DNAJC19: variants seen among roughly 807,000 people sequenced by gnomAD.
DNAJC19 encodes the protein DnaJ heat shock protein family (Hsp40) member C19.
Under a neutral mutation model 19.8 loss-of-function variants are expected in DNAJC19, and 15 were observed. That is an observed-to-expected ratio of 0.76 (90% confidence interval 0.51 to 1.17). The LOEUF is 1.17. Ranked by LOEUF, DNAJC19 falls within the 50% of genes most tolerant of loss-of-function variation. The pLI, the probability that DNAJC19 is intolerant of heterozygous loss-of-function variation, is 0.00. For missense variants in DNAJC19, 105 were observed against 140.9 expected (o/e 0.75, Z 1.29); for synonymous variants, 38 against 42.1 (o/e 0.90, Z 0.38).
chr3:180,989,294 C>T (rs1302654711), intron 1 of DNAJC19: 1 of 1,373,390 alleles, frequency 7.3e-7, no homozygotes, highest in East Asian at 2.8e-5. Context: ...TAATCAAATA[C>T]GTTTCCACTA....
intron 4 of DNAJC19, 51 bp from the exon 5 acceptor site, chr3:180,986,047 C>T (rs770733880): frequency 1.4e-6 from 2 of 1,453,132 alleles, no homozygotes; most frequent in East Asian, 4.5e-5. Flanking sequence ...TGCATCACAT[C>T]AAAAAACTGT....
upstream of DNAJC19, chr3:180,989,822 G>A (rs1715138774): frequency 1.3e-6 from 1 of 767,100 alleles, no homozygotes; most frequent in Non-Finnish European, 2.2e-6. Context: ...AGTGGACAGA[G>A]CGGAGAAAGC....
chr3:180,987,611 G>A (rs1186020815), intron 3 of DNAJC19: 2 of 301,966 alleles, frequency 6.6e-6, no homozygotes, highest in Non-Finnish European at 1.3e-5. Flanking sequence ...AAACCCTATA[G>A]CCTAATTAAC....
Position 180,988,016 on chromosome 3 carries a change from G to T in DNAJC19, c.129+7C>A. On this transcript the variant is annotated splice_region_variant and intron_variant, in intron 3 of 5. Coordinates refer to ENST00000382564, the MANE Select transcript of DNAJC19 (RefSeq NM_145261.4). ...ATAGAAGCAGCAAAGAATTAACAAA[G>T]TCTTACAGATTTTGGTAGGCTTTGA... 6.2e-7 allele frequency: 1 copy of T among 1,613,994 alleles called. No individual in the cohort carries two copies. The highest frequency in any genetic ancestry group is 8.5e-7 in the Non-Finnish European group (1 of 1,179,864).
At chr3:180,987,441 C>A (rs1481875498) in intron 3 of DNAJC19, 2 of 252,940 alleles carry the variant, frequency 7.9e-6, no homozygotes, top group African/African-American at 2.3e-5. Context: ...ACAGAAAATA[C>A]CACTATTAGG....
rs1204155710 is a variant in DNAJC19 at position 180,984,192 on chromosome 3, C to A, written c.*448G>T. 1 of 454,048 alleles carries A rather than the reference C, an allele frequency of 2.2e-6. No individual in the cohort carries two copies. Among genetic ancestry groups the A allele is most frequent in the Non-Finnish European group, 4.4e-6 (1 of 226,780 alleles). The allele number at this position is 454,048 out of a possible 1,614,324, so 28.1% of individuals were successfully genotyped here. On this transcript the variant is annotated 3_prime_UTR_variant, in exon 6 of 6. Transcript: ENST00000382564. ...GGTTCCAAGTATCCAAGTTGCCAGG[C>A]CAGTTGCCTGTACCTGGAACAGCCT...
intron 4 of DNAJC19, among the ~76,000 whole-genome samples, chr3:180,986,384 C>T (rs575567545): frequency 2.6e-5 from 4 of 151,440 alleles, no homozygotes; most frequent in East Asian, 3.9e-4. Context: ...CGGGTTCAAG[C>T]GATTCTCCTG....
At chr3:180,985,905 G>A (rs369110702) in intron 5 of DNAJC19, 21 bp downstream of exon 5, 38 of 1,603,444 alleles carry the variant, frequency 2.4e-5, no homozygotes, top group Middle Eastern at 1.6e-4. Context: ...CAACATCAAC[G>A]AGAATTTAAT....
chr3:180,984,560 GCT>G lies in DNAJC19; in HGVS notation c.*78_*79del, dbSNP rs1714794025. On this transcript the variant is annotated 3_prime_UTR_variant, in exon 6 of 6. Transcript: ENST00000382564. ...TGCTAAATCATTTTTTAAAATTGTA[GCT>G]CTGAGGCATTTTATTATAAAAACTT... 1 of 943,580 alleles carries G rather than the reference GCT, an allele frequency of 1.1e-6. No individual in the cohort carries two copies. Among genetic ancestry groups the G allele is most frequent in the Non-Finnish European group, 1.6e-6 (1 of 606,670 alleles). 58.5% of individuals were successfully genotyped at this position (943,580 alleles called of 1,614,324 possible). A position where few individuals can be genotyped will look rare whatever the true frequency, so the allele number is the denominator to read the frequency against.
intron 3 of DNAJC19, 109 bp from the exon 4 acceptor site, chr3:180,987,131 A>C: frequency 1.1e-6 from 1 of 952,008 alleles, no homozygotes; most frequent in Non-Finnish European, 1.7e-6. Flanking sequence ...ATTTCAGAGG[A>C]CTTTTAGTGC....
intron 5 of DNAJC19, 118 bp from the exon 6 acceptor site, chr3:180,984,828 G>T: frequency 1.4e-6 from 1 of 708,364 alleles, no homozygotes; most frequent in Non-Finnish European, 2.3e-6. Flanking sequence ...AGCAGAAACA[G>T]TGTTTTAATT....
rs1257485362 is a variant in DNAJC19, at chr3:180,984,215, C to G, written c.*425G>C. On this transcript the variant is annotated 3_prime_UTR_variant, in exon 6 of 6. Transcript: ENST00000382564. ...GGCCAGTTGCCTGTACCTGGAACAG[C>G]CTTTCCACCGAATAAGAAGAGTCCC... The G allele has an allele frequency of 2.2e-6, 1 of 454,044 alleles. No individual in the cohort carries two copies. The highest frequency in any genetic ancestry group is 4.4e-6 in the Non-Finnish European group (1 of 226,788). The allele number at this position is 454,044 out of a possible 1,614,324, so 28.1% of individuals were successfully genotyped here.
chr3:180,987,338 C>A, intron 3 of DNAJC19: 1 of 343,230 alleles, frequency 2.9e-6, no homozygotes. Context: ...TAGCCATATT[C>A]TAGATAAAAA....
chr3:180,989,788 G>A (rs1321351465), upstream of DNAJC19: 2 of 975,946 alleles, frequency 2.0e-6, no homozygotes, highest in South Asian at 2.8e-5. Flanking sequence ...AGGGGACGCG[G>A]AGGAGAAGGA....
In DNAJC19 at chr3:180,989,364, G is replaced by A. The variant is rs1283776462; in HGVS notation, c.3+236C>T. ...GAGTTCCAGGCAAGCAACACCTGCA[G>A]AGCCCGTGCGGACAAGAAGCTGGAG... On this transcript the variant is annotated intron_variant, in intron 1 of 5. Coordinates refer to ENST00000382564, the MANE Select transcript of DNAJC19 (RefSeq NM_145261.4). 18 of 1,426,382 alleles carry A rather than the reference G, an allele frequency of 1.3e-5. 1 individual carries two copies. In the South Asian group the frequency reaches 1.5e-4, roughly 12 times the overall value. The allele number at this position is 1,426,382 out of a possible 1,614,324, so 88.4% of individuals were successfully genotyped here.
upstream of DNAJC19, chr3:180,989,832 C>T: frequency 5.4e-6 from 4 of 744,478 alleles, 1 homozygote; most frequent in South Asian, 4.4e-5. Flanking sequence ...GCGGAGAAAG[C>T]GACTTCGGGT....
Position 180,986,969 on chromosome 3 carries a change from C to T in DNAJC19, c.183G>A (p.Arg61=). 6.2e-7 allele frequency: 1 copy of T among 1,613,900 alleles called. No individual in the cohort carries two copies. The highest frequency in any genetic ancestry group is 8.5e-7 in the Non-Finnish European group (1 of 1,179,884). The stretch of plus-strand genomic sequence containing the variant: ...TTACACCTAGTATTAATGCTGCTTC[C>T]CGTTTTGTCATTTTGGGTTCAAACC... ...RGGFEPKMTK[R]EAALILGVSP... The change falls in exon 4 of 6, where the codon CGG becomes CGA. Residue 61 remains arginine, a synonymous_variant. Coordinates refer to ENST00000382564, the MANE Select transcript of DNAJC19 (RefSeq NM_145261.4).
At chr3:180,987,710 G>A (rs1275484018) in intron 3 of DNAJC19, 8 of 399,968 alleles carry the variant, frequency 2.0e-5, no homozygotes, top group South Asian at 1.3e-4. Flanking sequence ...CTGTGTGTGC[G>A]ATGCAGAGCA....
chr3:180,986,806 T>C, intron 4 of DNAJC19, 137 bp downstream of exon 4: 2 of 737,994 alleles, frequency 2.7e-6, no homozygotes, highest in South Asian at 3.1e-5. Flanking sequence ...TTTCATTGAT[T>C]AGAATTGGTA....
Sources: allele counts gnomAD v4.1 joint callset (sites outside exome capture counted in the v4.1 genomes callset), GRCh38; gene constraint gnomAD v4.1.1; transcripts MANE v1.5; gene names NCBI Gene and HGNC (gene_info 2026-07-23, HGNC 2026-07-21).